Variants in MCF2 observed in about 807,000 individuals in gnomAD.
MCF2 encodes the protein proto-oncogene DBL.
Under a neutral mutation model 82.5 loss-of-function variants are expected in MCF2, and 44 were observed. The observed-to-expected ratio is 0.53, with a 90% CI of 0.42 to 0.69. MCF2 has a LOEUF of 0.69. Among genes scored for constraint, MCF2 ranks in the 30% least tolerant of loss-of-function variants. The pLI is 0.00. For missense variants in MCF2, 623 were observed against 663.1 expected, an observed-to-expected ratio of 0.94 and a Z score of 0.66; for synonymous variants, 217 against 224.9, an observed-to-expected ratio of 0.96 and a Z score of 0.32.
intron 3 of MCF2, 56 bp from the exon 7 acceptor site, chrX:139,629,900 A>G: frequency 8.8e-6 from 9 of 1,021,745 alleles, no homozygotes; most frequent in Non-Finnish European, 1.1e-5. Context: ...GCATATCAAA[A>G]ACTGGATCAG....
At chrX:139,587,731 A>T (rs1219088159) in exon 22 of MCF2, 11 of 1,187,581 alleles carry the variant, frequency 9.3e-6, no homozygotes, top group Non-Finnish European at 1.3e-5. Flanking sequence ...ATTCTGCTGA[A>T]GAGAAATCTG....
intron 2 of MCF2, among the ~76,000 whole-genome samples, chrX:139,649,387 T>G (rs763147909): frequency 8.9e-6 from 1 of 111,759 alleles, no homozygotes; most frequent in South Asian, 3.8e-4. Flanking sequence ...GCAAAGGGCC[T>G]CTATAGATAC....
At chrX:139,606,714 C>G (rs1466705092) in intron 12 of MCF2, among the ~76,000 whole-genome samples, 1 of 111,933 alleles carries the variant, frequency 8.9e-6, no homozygotes, top group Non-Finnish European at 1.9e-5. Context: ...ATTTTCCTTT[C>G]AATGTGATTT....
At chrX:139,655,895 T>C (rs1266637267) in intron 1 of MCF2, among the ~76,000 whole-genome samples, 2 of 112,068 alleles carry the variant, frequency 1.8e-5, no homozygotes, top group Non-Finnish European at 3.8e-5. Flanking sequence ...ACTTCCAGTG[T>C]TGTGCTGAAT....
At chrX:139,672,709 C>T (rs1356314861) in intron 1 of MCF2, among the ~76,000 whole-genome samples, 4 of 111,868 alleles carry the variant, frequency 3.6e-5, no homozygotes, top group Admixed American at 9.5e-5. Context: ...CTGCTGGATT[C>T]GGTTTGCCAG....
chrX:139,659,198 A>G (rs1196266217), intron 1 of MCF2, among the ~76,000 whole-genome samples: 5 of 110,693 alleles, frequency 4.5e-5, no homozygotes, highest in Non-Finnish European at 9.5e-5. Context: ...CCGGCAGGAG[A>G]ATTGCTTAAA....
chrX:139,667,563 G>C (rs183316785), intron 1 of MCF2, among the ~76,000 whole-genome samples: 67 of 112,040 alleles, frequency 6.0e-4, no homozygotes, highest in Admixed American at 5.6e-3. Context: ...GGTGCCCAAA[G>C]TGGTGAATTG....
intron 2 of MCF2, 25 bp from the exon 6 acceptor site, chrX:139,631,536 C>T (rs749821942): frequency 1.1e-6 from 1 of 911,141 alleles, no homozygotes; most frequent in South Asian, 2.1e-5. Context: ...AAAAAAGATA[C>T]TGTTAACTGC....
In MCF2 at chrX:139,602,400, C is replaced by T; in HGVS notation, c.1836+6G>A. The T allele has an allele frequency of 1.7e-6, 2 of 1,148,335 alleles. No homozygotes were observed. The highest frequency in any genetic ancestry group is 2.4e-6 in the Non-Finnish European group (2 of 840,009). 94.6% of individuals were successfully genotyped at this position (1,148,335 alleles called of 1,213,427 possible). ...AATATATCCAATACTTGAATAATTA[C>T]TGTACCTGGAAAAATGCGCATTCTG... On this transcript the variant is annotated splice_donor_region_variant and intron_variant, in intron 16 of 24. Transcript: ENST00000370576.
At chrX:139,642,785 G>A (rs1933651925) in exon 1 of MCF2, 1 of 1,014,439 alleles carries the variant, frequency 9.9e-7, no homozygotes, top group East Asian at 4.2e-5. Flanking sequence ...TACTTAGCCT[G>A]ATTGAACCTT....
At position 139,639,371 on chromosome X, in the gene MCF2, A is replaced by C. The variant is rs137959841; in HGVS notation, c.51+3097T>G. Among the ~76,000 whole-genome samples the C allele has an allele frequency of 5.6e-3, 624 of 111,679 alleles. 11 individuals carry two copies. Among genetic ancestry groups the C allele is most frequent in the Admixed American group, 0.051 (536 of 10,427 alleles). ...TAGGTTCTCGCAGACATTTTTCTGG[A>C]GTTCCAGCATGTGACTGCTTAAAGA... is the stretch of plus-strand genomic sequence containing the variant. On this transcript the variant is annotated intron_variant, in intron 1 of 24. Coordinates refer to ENST00000370576, the Ensembl canonical transcript of MCF2.
Position 139,642,523 on chromosome X carries a change from C to T in MCF2, c.-5G>A, listed in dbSNP as rs554291293. 8 of 1,209,143 alleles carry T rather than the reference C, an allele frequency of 6.6e-6. No homozygotes were observed. The African/African-American group carries it at 1.1e-4, about 16-fold the overall frequency. On this transcript the variant is annotated 5_prime_UTR_variant, in exon 1 of 25. Transcript: ENST00000370576. ...CCGGGGATTTGCTTCTGCCATTTCG[C>T]CTGTACGCAATTACACTTTTCTTTT... is the stretch of plus-strand genomic sequence containing the variant.
chrX:139,626,830 C>A (rs1369420883), intron 4 of MCF2, 74 bp from the exon 8 acceptor site: 23 of 874,376 alleles, frequency 2.6e-5, no homozygotes, highest in Non-Finnish European at 3.6e-5. Flanking sequence ...AGGGAGCATA[C>A]AACTATGGCA....
chrX:139,626,814 A>G, intron 4 of MCF2, 58 bp from the exon 8 acceptor site: 6 of 1,016,006 alleles, frequency 5.9e-6, no homozygotes, highest in Non-Finnish European at 8.2e-6. Flanking sequence ...GAATGATGTG[A>G]TGGGAAGGGA....
upstream of MCF2, among the ~76,000 whole-genome samples, chrX:139,643,594 C>T (rs1305423672): frequency 9.0e-6 from 1 of 110,920 alleles, no homozygotes; most frequent in Non-Finnish European, 1.9e-5. Context: ...CCTTGCCCAG[C>T]ACGATCAATT....
rs1398819949 is a variant in MCF2 at position 139,613,274 on chromosome X, A to C, written c.1363+1607T>G. The C allele has an allele frequency of 6.2e-6, 7 of 1,126,597 alleles. No individual in the cohort carries two copies. The highest frequency in any genetic ancestry group is 5.9e-6 in the Non-Finnish European group (5 of 842,233). 92.8% of individuals were successfully genotyped at this position (1,126,597 alleles called of 1,213,427 possible). A position where few individuals can be genotyped will look rare whatever the true frequency, so the allele number is the denominator to read the frequency against. On this transcript the variant is annotated intron_variant, in intron 10 of 24. Coordinates refer to ENST00000370576, the Ensembl canonical transcript of MCF2. The stretch of plus-strand genomic sequence containing the variant: ...AGTATCCAACTCCCACTGCAGAAGG[A>C]AATTGTAACGCCATTAAATAAGAAT...
rs771760728 is a variant in MCF2, at chrX:139,605,752, A to G, written c.1518T>C (p.Thr506=). The G allele has an allele frequency of 1.4e-5, 17 of 1,196,498 alleles. 1 individual carries two copies. In the East Asian group the frequency reaches 5.1e-4, roughly 36 times the overall value. ...ACAGTTCTCGAACATAAACTCTCTC[A>G]GTCTGTATCAGTTCATTTAGTACGT... Residue 506 remains threonine (T), a synonymous_variant, in exon 13 of 25, where the codon ACT becomes ACC. Coordinates refer to ENST00000370576, the Ensembl canonical transcript of MCF2.
chrX:139,607,841 G>T, intron 11 of MCF2, 62 bp from the exon 16 acceptor site: 8 of 724,092 alleles, frequency 1.1e-5, no homozygotes, highest in Non-Finnish European at 1.7e-5. Context: ...TCTTCAAGGC[G>T]ATCCAGCTCA....
At chrX:139,610,207 A>G (rs1931395898) in intron 11 of MCF2, 94 bp downstream of exon 15, 1 of 566,288 alleles carries the variant, frequency 1.8e-6, no homozygotes, top group African/African-American at 2.4e-5. Flanking sequence ...AAGACACAAT[A>G]TTTGTCTAGT....
Sources: allele counts gnomAD v4.1 joint callset (sites outside exome capture counted in the v4.1 genomes callset), GRCh38; gene constraint gnomAD v4.1.1; transcripts MANE v1.5; gene names NCBI Gene and HGNC (gene_info 2026-07-23, HGNC 2026-07-21).